Variants in LCA5L observed in about 807,000 individuals in gnomAD.
The protein encoded by LCA5L is lebercilin LCA5 like.
A neutral mutation model predicts 45.4 loss-of-function variants in LCA5L; 35 were observed. That is an observed-to-expected ratio of 0.77 (90% confidence interval 0.59 to 1.02). LCA5L has a LOEUF of 1.02. LCA5L is among the 50% of genes least tolerant of loss of function. LCA5L has a pLI of 0.00. For synonymous variants in LCA5L, 233 were observed against 264.7 expected, an observed-to-expected ratio of 0.88 and a Z score of 1.16; for missense variants, 668 against 761.6, an observed-to-expected ratio of 0.88 and a Z score of 1.45.
intron 6 of LCA5L, among the ~76,000 whole-genome samples, chr21:39,421,102 T>C (rs1343844176): frequency 8.7e-6 from 1 of 114,418 alleles, no homozygotes; most frequent in East Asian, 2.1e-4. Context: ...TAACAATTCG[T>C]TTTTTTTTTT....
intron 7 of LCA5L, among the ~76,000 whole-genome samples, chr21:39,419,301 G>A (rs1848361439): frequency 1.3e-5 from 2 of 152,066 alleles, no homozygotes; most frequent in Admixed American, 1.3e-4. Context: ...AAGGCAGGAG[G>A]ATTGCTTGAG....
rs190143554 is a variant in LCA5L, at chr21:39,416,825, T to C, written c.975+3881A>G. ...AGTGTAAGATTTTTTTGTAAAGTTA[T>C]TTGTGTCCTTACAGTGTATCTCACT... On this transcript the variant is annotated intron_variant, in intron 7 of 10. Coordinates refer to ENST00000288350, the MANE Select transcript of LCA5L (RefSeq NM_152505.4). Among the ~76,000 whole-genome samples the C allele has an allele frequency of 2.5e-4, 38 of 152,318 alleles. No individual in the cohort carries two copies. In the East Asian group the frequency reaches 7.0e-3, roughly 28 times the overall value.
intron 7 of LCA5L, among the ~76,000 whole-genome samples, chr21:39,415,660 T>C (rs896461760): frequency 1.3e-5 from 2 of 152,238 alleles, no homozygotes; most frequent in African/African-American, 4.8e-5. Context: ...TTTTCTATAG[T>C]TTTTAAAAGG....
chr21:39,406,652 G>C (rs2039106304), intron 10 of LCA5L, 40 bp from the exon 11 acceptor site: 1 of 1,450,258 alleles, frequency 6.9e-7, no homozygotes, highest in Admixed American at 2.2e-5. Context: ...TGTTTAAAAT[G>C]AATGGATCTC....
intron 3 of LCA5L, among the ~76,000 whole-genome samples, chr21:39,432,794 A>C (rs1302552703): frequency 1.3e-5 from 2 of 152,108 alleles, no homozygotes; most frequent in African/African-American, 4.8e-5. Context: ...GGCTTCTTTC[A>C]CTCAGCATTA....
In LCA5L at chr21:39,428,455, C is replaced by T. The variant is rs2075141800; in HGVS notation, c.39G>A (p.Glu13=). Residue 13 remains glutamate (E), a synonymous_variant, in exon 5 of 11, where the codon GAG becomes GAA. Transcript: ENST00000288350. ...TTTCTAATGCCACGCCGAAGAAATG[C>T]TCATCTATATTTGTTTTTGTTAGAT... is the stretch of plus-strand genomic sequence containing the variant. ...LADLTKTNID[E]HFFGVALENN... The T allele has an allele frequency of 6.2e-7, 1 of 1,610,642 alleles. No individual in the cohort carries two copies. Among genetic ancestry groups the T allele is most frequent in the African/African-American group, 1.3e-5 (1 of 74,564 alleles).
At chr21:39,444,660 G>C (rs1369199094) in intron 1 of LCA5L, 1 of 152,246 alleles carries the variant, frequency 6.6e-6, no homozygotes. Context: ...ATGGGGGCCT[G>C]GACCAAGGTG....
At chr21:39,421,449 G>C (rs1049965215) in intron 6 of LCA5L, 2 of 152,198 alleles carry the variant, frequency 1.3e-5, no homozygotes, top group Non-Finnish European at 2.9e-5. Flanking sequence ...GGCATTCCCA[G>C]ACAACAGAAA....
chr21:39,415,783 G>T (rs2041033602), intron 7 of LCA5L, among the ~76,000 whole-genome samples: 1 of 152,138 alleles, frequency 6.6e-6, no homozygotes. Context: ...TTTCTGCTTT[G>T]CTATTTAATC....
At chr21:39,413,195 G>A (rs1391594339) in intron 7 of LCA5L, among the ~76,000 whole-genome samples, 2 of 152,140 alleles carry the variant, frequency 1.3e-5, no homozygotes, top group African/African-American at 4.8e-5. Context: ...TCTAGAGAGG[G>A]GCCAGAGGGC....
chr21:39,438,924 C>A (rs572573616), intron 2 of LCA5L: 1 of 152,298 alleles, frequency 6.6e-6, no homozygotes, highest in East Asian at 1.9e-4. Context: ...TTAAGACTTT[C>A]ATTTGGTACA....
chr21:39,417,237 A>G (rs1382620701), intron 7 of LCA5L, among the ~76,000 whole-genome samples: 1 of 151,978 alleles, frequency 6.6e-6, no homozygotes, highest in Non-Finnish European at 1.5e-5. Flanking sequence ...ATGGGGTTTC[A>G]CCATGTTGGC....
At chr21:39,438,642 CACAGAAAACCA>C (rs2148226506) in intron 2 of LCA5L, 1 of 152,172 alleles carries the variant, frequency 6.6e-6, no homozygotes, top group South Asian at 2.1e-4. Flanking sequence ...ATTACAGAAA[CACAGAAAACCA>C]AGAGTTATAT....
chr21:39,405,875 ATTATAT>A lies in LCA5L; in HGVS notation c.*1_*6del. On this transcript the variant is annotated 3_prime_UTR_variant, in exon 11 of 11. Transcript: ENST00000288350. Reference sequence around the variant, plus strand: ...CAAACCAGAATGCATTAGGATATTGATTATATTTAAATAATTATTTTTCTTTTTCCT... The same window carrying A: ...CAAACCAGAATGCATTAGGATATTGATTAAATAATTATTTTTCTTTTTCCT... 6.5e-7 allele frequency: 1 copy of A among 1,546,662 alleles called. No individual in the cohort carries two copies. The highest frequency in any genetic ancestry group is 1.9e-4 in the Middle Eastern group (1 of 5,244).
intron 7 of LCA5L, among the ~76,000 whole-genome samples, chr21:39,414,740 CTCTGTGTGTGTGTG>C (rs971391889): frequency 6.7e-5 from 7 of 104,118 alleles, no homozygotes; most frequent in Non-Finnish European, 1.1e-4. Flanking sequence ...CTCTCTCTCT[CTCTGTGTGTGTGTG>C]TGTGTGTGTG....
At chr21:39,414,674 A>G (rs2040724401) in intron 7 of LCA5L, among the ~76,000 whole-genome samples, 1 of 150,642 alleles carries the variant, frequency 6.6e-6, no homozygotes, top group African/African-American at 2.4e-5. Flanking sequence ...TGCCAAGGCT[A>G]GGTCATAAAA....
chr21:39,428,073 A>G (rs2075073553), intron 5 of LCA5L, 99 bp downstream of exon 5: 1 of 701,938 alleles, frequency 1.4e-6, no homozygotes, highest in African/African-American at 1.8e-5. Context: ...AATATGGGAA[A>G]ACAATAAAAC....
At position 39,428,376 on chromosome 21, in the gene LCA5L, G is replaced by A. The variant is rs370755758; in HGVS notation, c.118C>T (p.Arg40Trp). 44 of 1,613,154 alleles carry A rather than the reference G, an allele frequency of 2.7e-5. No homozygotes were observed. The highest frequency in any genetic ancestry group is 1.6e-4 in the Middle Eastern group (1 of 6,082). Residue 40 changes from arginine to tryptophan, a missense_variant, in exon 5 of 11, where the codon CGG (arginine) becomes TGG (tryptophan). Transcript: ENST00000288350. ...KRSPGTGDFSRNSNASNKSVD... is the reference protein window; with the variant it reads ...KRSPGTGDFSWNSNASNKSVD... ...CTCTTATTGGAAGCATTACTGTTCC[G>A]TGAAAAATCGCCTGTGCCTGGGCTT...
At chr21:39,431,397 T>A (rs2075700702) in intron 3 of LCA5L, among the ~76,000 whole-genome samples, 1 of 151,948 alleles carries the variant, frequency 6.6e-6, no homozygotes, top group African/African-American at 2.4e-5. Context: ...TCCTGCTCAA[T>A]AATTTGCCTA....
Sources: allele counts gnomAD v4.1 joint callset (sites outside exome capture counted in the v4.1 genomes callset), GRCh38; gene constraint gnomAD v4.1.1; transcripts MANE v1.5; gene names NCBI Gene and HGNC (gene_info 2026-07-23, HGNC 2026-07-21).